PTPRD: variants seen among roughly 807,000 people sequenced by gnomAD.
The protein encoded by PTPRD is receptor-type tyrosine-protein phosphatase delta.
PTPRD carries 34 observed loss-of-function variants against 214.5 expected under a neutral mutation model. The ratio of observed to expected loss-of-function variants is 0.16; its 90% confidence interval spans 0.12 to 0.21. The LOEUF (loss-of-function observed/expected upper bound fraction) is 0.21, where lower values mean the gene tolerates loss of function less well. Ranked by LOEUF, PTPRD falls within the 10% of genes least tolerant of loss-of-function variation. PTPRD has a pLI of 1.00. For missense variants in PTPRD, 2,545 were observed against 2,398.7 expected, an observed-to-expected ratio of 1.06 and a Z score of -1.27; for synonymous variants, 1,128 against 845.7, an observed-to-expected ratio of 1.33 and a Z score of -5.79.
At chr9:9,585,737 G>A (rs1002980613) in intron 7 of PTPRD, among the ~76,000 whole-genome samples, 1 of 152,000 alleles carries the variant, frequency 6.6e-6, no homozygotes, top group African/African-American at 2.4e-5. Flanking sequence ...ATCCAGATGT[G>A]AATACGTAGG....
At chr9:8,685,028 C>A (rs574851251) in intron 12 of PTPRD, among the ~76,000 whole-genome samples, 260 of 152,196 alleles carry the variant, frequency 1.7e-3, no homozygotes, top group African/African-American at 6.0e-3. Flanking sequence ...GTGTTTGCAT[C>A]CGGGGCTGGA....
At chr9:9,111,471 C>T (rs1019670204) in intron 10 of PTPRD, among the ~76,000 whole-genome samples, 2 of 151,966 alleles carry the variant, frequency 1.3e-5, no homozygotes, top group Admixed American at 1.3e-4. Flanking sequence ...ATTCAGGTAG[C>T]ACTGGAACAC....
chr9:9,055,199 T>C (rs748806551), intron 10 of PTPRD, among the ~76,000 whole-genome samples: 1 of 152,154 alleles, frequency 6.6e-6, no homozygotes, highest in South Asian at 2.1e-4. Flanking sequence ...AAGGTATTCA[T>C]TGCAGCATTG....
At chr9:9,528,888 G>C (rs1458180548) in intron 8 of PTPRD, among the ~76,000 whole-genome samples, 2 of 150,656 alleles carry the variant, frequency 1.3e-5, no homozygotes, top group East Asian at 3.9e-4. Context: ...ATAAAATATA[G>C]GAGAAAAATA....
chr9:10,338,289 A>T (rs967530628), intron 3 of PTPRD, among the ~76,000 whole-genome samples: 41 of 151,546 alleles, frequency 2.7e-4, no homozygotes, highest in African/African-American at 9.4e-4. Context: ...TCTGCTAATG[A>T]GTAACATTCT....
intron 13 of PTPRD, among the ~76,000 whole-genome samples, chr9:8,636,184 A>T (rs878940850): frequency 1.3e-5 from 2 of 152,184 alleles, no homozygotes; most frequent in Admixed American, 1.3e-4. Context: ...ACGAGGATTT[A>T]AATTTCCTTT....
At chr9:9,198,013 G>T (rs985018857) in intron 9 of PTPRD, among the ~76,000 whole-genome samples, 2 of 152,100 alleles carry the variant, frequency 1.3e-5, no homozygotes, top group South Asian at 4.1e-4. Context: ...TTTCAAATAA[G>T]TGTTATGCAG....
At chr9:9,477,132 T>C (rs889805527) in intron 8 of PTPRD, among the ~76,000 whole-genome samples, 13 of 152,198 alleles carry the variant, frequency 8.5e-5, no homozygotes, top group African/African-American at 4.8e-5. Context: ...GGTCCAAGAA[T>C]GTAGGCCATT....
intron 3 of PTPRD, among the ~76,000 whole-genome samples, chr9:10,078,384 T>G (rs1590493771): frequency 6.7e-6 from 1 of 148,932 alleles, no homozygotes; most frequent in Non-Finnish European, 1.5e-5. Flanking sequence ...GGTGTGGTGG[T>G]GTGCCCCTAT....
At chr9:8,805,679 A>C (rs1213496857) in intron 11 of PTPRD, among the ~76,000 whole-genome samples, 1 of 150,898 alleles carries the variant, frequency 6.6e-6, no homozygotes, top group East Asian at 2.0e-4. Context: ...CTCGGCTCAC[A>C]GCAACCTCCA....
chr9:9,789,183 T>G (rs2098948721), intron 5 of PTPRD, among the ~76,000 whole-genome samples: 1 of 152,196 alleles, frequency 6.6e-6, no homozygotes, highest in Non-Finnish European at 1.5e-5. Context: ...TTTTTCTAAA[T>G]AGGAATTACA....
chr9:8,434,821 T>C (rs1417368442), intron 35 of PTPRD, among the ~76,000 whole-genome samples: 1 of 149,182 alleles, frequency 6.7e-6, no homozygotes, highest in Non-Finnish European at 1.5e-5. Flanking sequence ...CTAAACTCAC[T>C]ATGGAGCCCT....
chr9:8,459,620 C>A (rs2096325481), intron 33 of PTPRD, among the ~76,000 whole-genome samples: 1 of 151,878 alleles, frequency 6.6e-6, no homozygotes, highest in African/African-American at 2.4e-5. Context: ...GGGAAAAAAT[C>A]TTATTAGAGA....
Position 10,088,942 on chromosome 9 carries a change from G to T in PTPRD, c.-544-55152C>A, listed in dbSNP as rs976589805. The stretch of plus-strand genomic sequence containing the variant: ...CTGAATATACTACTAACAATAGATT[G>T]TATGTTTTAAAGTGGTGAATTTAGG... On this transcript the variant is annotated intron_variant, in intron 3 of 45. Coordinates refer to ENST00000381196, the MANE Select transcript of PTPRD (RefSeq NM_002839.4). Among the ~76,000 whole-genome samples the T allele has an allele frequency of 1.3e-4, 20 of 151,626 alleles. 1 individual carries two copies. In the South Asian group the frequency reaches 2.7e-3, roughly 20 times the overall value.
intron 10 of PTPRD, among the ~76,000 whole-genome samples, chr9:9,137,297 T>C (rs2099852398): frequency 6.6e-6 from 1 of 152,214 alleles, no homozygotes; most frequent in African/African-American, 2.4e-5. Context: ...GCTATTTTGT[T>C]TTAAACCAGG....
intron 11 of PTPRD, among the ~76,000 whole-genome samples, chr9:8,809,219 G>C (rs2096751407): frequency 6.6e-6 from 1 of 152,078 alleles, no homozygotes; most frequent in African/African-American, 2.4e-5. Context: ...ATAATGTTTT[G>C]TAATATCTGT....
intron 6 of PTPRD, among the ~76,000 whole-genome samples, chr9:9,739,331 G>A (rs956573147): frequency 1.4e-4 from 22 of 152,246 alleles, no homozygotes; most frequent in African/African-American, 5.3e-4. Flanking sequence ...ATCATAATAA[G>A]AAAGCACACT....
At chr9:9,351,147 TC>T in intron 9 of PTPRD, among the ~76,000 whole-genome samples, 1 of 152,186 alleles carries the variant, frequency 6.6e-6, no homozygotes, top group South Asian at 2.1e-4. Context: ...ACCGAGCTTT[TC>T]TTAGAAGGGC....
chr9:9,333,484 CAT>C (rs978818771), intron 9 of PTPRD, among the ~76,000 whole-genome samples: 5 of 121,806 alleles, frequency 4.1e-5, no homozygotes, highest in African/African-American at 8.4e-5. Flanking sequence ...ATATATAAAA[CAT>C]ATATATTATA....
Sources: gnomAD v4.1 joint callset for allele counts (sites outside exome capture counted in the v4.1 genomes callset) on GRCh38, gnomAD v4.1.1 for gene constraint, MANE v1.5 for transcripts, NCBI Gene and HGNC (gene_info 2026-07-23, HGNC 2026-07-21) for gene names.